The following RBM6 variants were observed in gnomAD, a reference collection of about 807,000 sequenced individuals.
RBM6 encodes RNA-binding protein 6.
A neutral mutation model predicts 140.4 loss-of-function variants in RBM6; 23 were observed. That is an observed-to-expected ratio of 0.16 (90% CI 0.12 to 0.23). RBM6 has a LOEUF of 0.23. Among genes scored for constraint, RBM6 ranks in the 10% least tolerant of loss-of-function variants. RBM6 has a pLI of 1.00. For missense variants in RBM6, 1,139 were observed against 1,386.7 expected (o/e 0.82, Z 2.84); for synonymous variants, 439 against 475.6 (o/e 0.92, Z 1.00).
chr3:50,033,601 A>G (rs747377822), intron 6 of RBM6, among the ~76,000 whole-genome samples: 4 of 152,198 alleles, frequency 2.6e-5, no homozygotes, highest in Non-Finnish European at 5.9e-5. Flanking sequence ...AAGTTACTGT[A>G]TGGTAAAGAC....
At chr3:50,017,557 CAAA>C (rs1170241089) in intron 6 of RBM6, among the ~76,000 whole-genome samples, 9 of 70,016 alleles carry the variant, frequency 1.3e-4, no homozygotes, top group Admixed American at 1.7e-4. Context: ...GACTCTGTCT[CAAA>C]AAAAAAAAAA....
chr3:49,947,289 G>C (rs964309297), intron 1 of RBM6, among the ~76,000 whole-genome samples: 4 of 149,084 alleles, frequency 2.7e-5, no homozygotes, highest in East Asian at 2.0e-4. Context: ...TTTGAGCTGG[G>C]TGTGCAGGTG....
Position 50,013,895 on chromosome 3 carries a change from G to A in RBM6, c.1557+14382G>A, listed in dbSNP as rs188112829. Among the ~76,000 whole-genome samples the A allele has an allele frequency of 1.9e-4, 29 of 152,210 alleles. 1 individual carries two copies. In the South Asian group the frequency reaches 3.7e-3, roughly 20 times the overall value. The stretch of plus-strand genomic sequence containing the variant: ...TCTCCTCCCCAACCACTGGACATTT[G>A]GCAATGTCTGGAGACATTTTTGGTT... On this transcript the variant is annotated intron_variant, in intron 6 of 20. Transcript: ENST00000266022.
chr3:50,002,209 T>A (rs535100073), intron 6 of RBM6, among the ~76,000 whole-genome samples: 1 of 151,864 alleles, frequency 6.6e-6, no homozygotes, highest in Admixed American at 6.6e-5. Flanking sequence ...TGTCTCAGCC[T>A]CCCAGGTAGC....
intron 10 of RBM6, 89 bp from the exon 11 acceptor site, chr3:50,059,560 C>A: frequency 1.9e-6 from 2 of 1,037,196 alleles, no homozygotes; most frequent in Non-Finnish European, 1.4e-6. Flanking sequence ...AAGGAAAATC[C>A]ACGTTCACTT....
At chr3:50,067,186 CAAAAAAAAAAA>C (rs751552449) in intron 17 of RBM6, among the ~76,000 whole-genome samples, 4 of 19,558 alleles carry the variant, frequency 2.0e-4, no homozygotes, top group African/African-American at 4.6e-4. Context: ...GACTCTATCT[CAAAAAAAAAAA>C]AAAAAAAAAA....
chr3:50,052,310 CT>C (rs2089502948), intron 7 of RBM6, among the ~76,000 whole-genome samples: 1 of 152,222 alleles, frequency 6.6e-6, no homozygotes, highest in Non-Finnish European at 1.5e-5. Flanking sequence ...AATGATCCAA[CT>C]TCCTCGGCCT....
chr3:49,971,735 A>G (rs1418480669), intron 3 of RBM6, among the ~76,000 whole-genome samples: 2 of 151,986 alleles, frequency 1.3e-5, no homozygotes, highest in South Asian at 2.1e-4. Flanking sequence ...CGGTTTTACC[A>G]TGTTGGCTAG....
Position 50,077,101 on chromosome 3 carries a change from G to A in RBM6, c.3340G>A (p.Val1114Ile). The part of the protein sequence containing the change: ...NETYRDAVRR[V>I]MFARYKELD ...GACTTACCGAGATGCTGTTCGAAGA[G>A]TCATGTTTGCTCGATATAAAGAACT... Residue 1114 changes from valine (V) to isoleucine (I), a missense_variant, in exon 21 of 21, where the codon GTC becomes ATC. This residue lies in a region of RBM6 where 125 missense variants were observed against 142.0 expected (regional missense o/e 0.88). Transcript: ENST00000266022. The A allele has an allele frequency of 6.2e-7, 1 of 1,613,104 alleles. No individual in the cohort carries two copies. The highest frequency in any genetic ancestry group is 8.5e-7 in the Non-Finnish European group (1 of 1,179,824).
In RBM6 at chr3:50,058,008, GTAGTT is replaced by G. The variant is rs748564944; in HGVS notation, c.1969+7_1969+11del. ...GCCAGGATGGAGAGAGCAAAAGTAA[GTAGTT>G]TGTCAGGGCACATACCAGACTGTGA... On this transcript the variant is annotated splice_donor_region_variant and intron_variant, in intron 9 of 20. Coordinates refer to ENST00000266022, the MANE Select transcript of RBM6 (RefSeq NM_005777.3). 116 of 1,611,896 alleles carry G rather than the reference GTAGTT, an allele frequency of 7.2e-5. 1 individual carries two copies. In the East Asian group the frequency reaches 2.5e-3, roughly 35 times the overall value.
At chr3:50,069,663 C>G (rs1400742309) in intron 18 of RBM6, among the ~76,000 whole-genome samples, 1 of 152,160 alleles carries the variant, frequency 6.6e-6, no homozygotes, top group East Asian at 1.9e-4. Context: ...GTACTCCAGC[C>G]TGGGTCACAG....
chr3:49,959,571 G>T (rs1344428528), intron 1 of RBM6, among the ~76,000 whole-genome samples: 31 of 114,210 alleles, frequency 2.7e-4, no homozygotes, highest in Non-Finnish European at 1.1e-4. Context: ...TATATTTAGG[G>T]TTTTTTTTTT....
At chr3:50,035,112 A>C (rs2088449470) in intron 6 of RBM6, among the ~76,000 whole-genome samples, 1 of 145,222 alleles carries the variant, frequency 6.9e-6, no homozygotes, top group Non-Finnish European at 1.5e-5. Context: ...GCAAATCTGT[A>C]TCCATACAGG....
rs2089921064 is a variant in RBM6 at position 50,061,140 on chromosome 3, G to A, written c.2272G>A (p.Gly758Ser). The change falls in exon 13 of 21, where the codon GGT becomes AGT. Residue 758 changes from glycine to serine, a missense_variant and splice_region_variant. Physicochemically the swap from Gly to Ser is moderately conservative, Grantham distance 56 (BLOSUM62 0). Transcript: ENST00000266022. The part of the protein sequence containing the change: ...DHSDHMHYYQ[G>S]KKYFRDRRGG... ...ATTTTAACTTGCCTTTCTGTGATAG[G>A]GTAAAAAATATTTCCGAGATAGGAG... is the stretch of plus-strand genomic sequence containing the variant. 2 of 1,613,942 alleles carry A rather than the reference G, an allele frequency of 1.2e-6. No individual in the cohort carries two copies. Among genetic ancestry groups the A allele is most frequent in the South Asian group, 2.2e-5 (2 of 91,082 alleles).
intron 6 of RBM6, among the ~76,000 whole-genome samples, chr3:50,015,881 G>T (rs922220163): frequency 1.3e-5 from 2 of 152,192 alleles, no homozygotes; most frequent in Non-Finnish European, 2.9e-5. Context: ...ATTGTAGAAT[G>T]ATTGAATCAG....
intron 16 of RBM6, 32 bp downstream of exon 16, chr3:50,065,158 G>C: frequency 6.6e-7 from 1 of 1,521,880 alleles, no homozygotes; most frequent in Non-Finnish European, 9.0e-7. Flanking sequence ...TGGACCTAGG[G>C]CTGGGGCTGG....
At chr3:50,040,471 A>AAT (rs869038826) in intron 6 of RBM6, among the ~76,000 whole-genome samples, 896 of 33,454 alleles carry the variant, frequency 0.027, 11 homozygotes, top group Non-Finnish European at 0.042. Context: ...AAAAAAAAAA[A>AAT]ATATATATAT....
intron 6 of RBM6, among the ~76,000 whole-genome samples, chr3:50,033,248 G>T (rs918283324): frequency 4.6e-5 from 7 of 152,098 alleles, no homozygotes; most frequent in African/African-American, 1.7e-4. Context: ...AGTGAGCCAA[G>T]ACTGTGCCAC....
rs140551279 is a variant in RBM6, at chr3:50,058,108, T to G, written c.1969+105T>G. 7.6e-5 allele frequency: 105 copies of G among 1,375,114 alleles called. No individual in the cohort carries two copies. In the Middle Eastern group the frequency reaches 2.1e-3, roughly 28 times the overall value. The allele number at this position is 1,375,114 out of a possible 1,614,324, so 85.2% of individuals were successfully genotyped here. A position where few individuals can be genotyped will look rare whatever the true frequency, so the allele number is the denominator to read the frequency against. ...ATCTGCTTTCCAGTACCCTGAGAGA[T>G]CTGTGCATGACCTGATGACAGAGGC... On this transcript the variant is annotated intron_variant, in intron 9 of 20. Coordinates refer to ENST00000266022, the MANE Select transcript of RBM6 (RefSeq NM_005777.3).
Sources: gnomAD v4.1 joint callset for allele counts (sites outside exome capture counted in the v4.1 genomes callset) on GRCh38, gnomAD v4.1.1 for gene constraint, gnomAD v4.1.1 regional missense constraint, MANE v1.5 for transcripts, NCBI Gene and HGNC (gene_info 2026-07-23, HGNC 2026-07-21) for gene names.